ADAMTS9: variants seen among roughly 807,000 people sequenced by gnomAD.
The protein encoded by ADAMTS9 is ADAM metallopeptidase with thrombospondin type 1 motif 9, also known as A disintegrin and metalloproteinase with thrombospondin motifs 9.
Under a neutral mutation model 257.1 loss-of-function variants are expected in ADAMTS9, and 107 were observed. The ratio of observed to expected loss-of-function variants is 0.42; its 90% CI spans 0.36 to 0.49. The LOEUF is 0.49. Among genes scored for constraint, ADAMTS9 ranks in the 20% least tolerant of loss-of-function variants. The pLI is 0.03. For synonymous variants in ADAMTS9, 982 were observed against 880.9 expected, an observed-to-expected ratio of 1.11 and a Z score of -2.03; for missense variants, 2,353 against 2,469.1, an observed-to-expected ratio of 0.95 and a Z score of 1.00.
At chr3:64,640,508 T>C (rs992833889) in intron 12 of ADAMTS9, among the ~76,000 whole-genome samples, 8 of 152,184 alleles carry the variant, frequency 5.3e-5, no homozygotes, top group Non-Finnish European at 1.2e-4. Flanking sequence ...CTCAGTACAA[T>C]AGAGTTTGCT....
At chr3:64,654,498 A>G (rs974283646) in intron 7 of ADAMTS9, 40 bp from the exon 8 acceptor site, 44 of 1,607,484 alleles carry the variant, frequency 2.7e-5, no homozygotes, top group Non-Finnish European at 3.5e-5. Flanking sequence ...TTACTCTAAA[A>G]AGCAACTGTG....
At position 64,526,412 on chromosome 3, in the gene ADAMTS9, T is replaced by C. The variant is rs76081915; in HGVS notation, c.5719-4152A>G. ...CTTAATTCTTAAAAATTCGTAGGCA[T>C]TTGATGATGAATGGAACTGAGTTGG... On this transcript the variant is annotated intron_variant, in intron 38 of 39. Coordinates refer to ENST00000498707, the MANE Select transcript of ADAMTS9 (RefSeq NM_182920.2). 9.8e-3 allele frequency among the ~76,000 whole-genome samples: 1,488 copies of C among 152,232 alleles called. 25 individuals are homozygous for C. The highest frequency in any genetic ancestry group is 0.032 in the African/African-American group (1,321 of 41,532).
At chr3:64,518,817 G>A (rs1447616014) in intron 39 of ADAMTS9, among the ~76,000 whole-genome samples, 1 of 133,502 alleles carries the variant, frequency 7.5e-6, no homozygotes, top group African/African-American at 2.9e-5. Flanking sequence ...CTCTCACCCA[G>A]GCTGGAGTGC....
chr3:64,661,076 G>A (rs1317133444), intron 3 of ADAMTS9, among the ~76,000 whole-genome samples: 1 of 152,146 alleles, frequency 6.6e-6, no homozygotes, highest in Non-Finnish European at 1.5e-5. Flanking sequence ...ACATCCACTG[G>A]GGATCTTGGA....
intron 28 of ADAMTS9, among the ~76,000 whole-genome samples, chr3:64,576,329 A>G (rs1280649409): frequency 6.6e-6 from 1 of 152,128 alleles, no homozygotes; most frequent in African/African-American, 2.4e-5. Context: ...CCATTACAGA[A>G]TCCACAGTCA....
At chr3:64,535,711 G>T (rs527574428) in intron 37 of ADAMTS9, among the ~76,000 whole-genome samples, 2 of 151,552 alleles carry the variant, frequency 1.3e-5, no homozygotes, top group African/African-American at 4.9e-5. Context: ...GCACCACCAC[G>T]CCCAGCTAAT....
chr3:64,568,580 CA>C, intron 28 of ADAMTS9, 45 bp from the exon 29 acceptor site: 6 of 1,598,718 alleles, frequency 3.8e-6, no homozygotes, highest in Non-Finnish European at 5.1e-6. Flanking sequence ...TTTTTAATTA[CA>C]CGGAGTTTGA....
intron 3 of ADAMTS9, among the ~76,000 whole-genome samples, chr3:64,670,520 C>T (rs1457108016): frequency 1.3e-5 from 2 of 151,776 alleles, no homozygotes; most frequent in Admixed American, 6.6e-5. Flanking sequence ...GAAGTATTGG[C>T]GATAAAATAA....
At chr3:64,660,278 T>A (rs1349068542) in intron 3 of ADAMTS9, among the ~76,000 whole-genome samples, 2 of 152,284 alleles carry the variant, frequency 1.3e-5, no homozygotes, top group East Asian at 3.9e-4. Context: ...TTAAAAACAG[T>A]TAAATTTTAA....
Position 64,622,532 on chromosome 3 carries a change from A to G in ADAMTS9, c.2444T>C (p.Met815Thr). 5.0e-6 allele frequency: 8 copies of G among 1,614,130 alleles called. No homozygotes were observed. The highest frequency in any genetic ancestry group is 6.8e-6 in the Non-Finnish European group (8 of 1,179,990). Residue 815 changes from methionine to threonine, a missense_variant, in exon 17 of 40, where the codon ATG becomes ACG. Transcript: ENST00000498707. The stretch of plus-strand genomic sequence containing the variant: ...CCCAATGCGAATTTCCCTTTTGGCC[A>G]TTGTGACAACAAAGTTTCCATTTAG... ...FLLNGNFVVTMAKREIRIGNA... is the reference protein window; with the variant it reads ...FLLNGNFVVTTAKREIRIGNA...
chr3:64,615,919 G>A, intron 20 of ADAMTS9, 41 bp downstream of exon 20: 1 of 1,609,050 alleles, frequency 6.2e-7, no homozygotes, highest in Non-Finnish European at 8.5e-7. Context: ...CAACTAATCA[G>A]ACAGCATCCA....
Position 64,541,933 on chromosome 3 carries a change from G to A in ADAMTS9, c.5102C>T (p.Ser1701Phe), listed in dbSNP as rs769579171. Reference protein sequence around the residue: ...VSCGVGVMQRSVQCLTNEDQP... With the variant: ...VSCGVGVMQRFVQCLTNEDQP... ...GTCCTCATTGGTTAAACATTGCACA[G>A]ATCTCTGCATCACTCCAACACCACA... Residue 1701 changes from serine to phenylalanine, a missense_variant, in exon 33 of 40, where the codon TCT becomes TTT. This residue lies in a region of ADAMTS9 where 1,402 missense variants were observed against 1,441.4 expected (regional missense o/e 0.97). Transcript: ENST00000498707. 3 of 1,614,138 alleles carry A rather than the reference G, an allele frequency of 1.9e-6. No individual in the cohort carries two copies. Among genetic ancestry groups the A allele is most frequent in the Non-Finnish European group, 2.5e-6 (3 of 1,180,012 alleles).
chr3:64,653,919 A>G (rs1234958228), intron 8 of ADAMTS9, among the ~76,000 whole-genome samples: 1 of 152,198 alleles, frequency 6.6e-6, no homozygotes, highest in Non-Finnish European at 1.5e-5. Context: ...GTGTATAACT[A>G]GAATCGGGAA....
chr3:64,644,293 C>T (rs1226141171), intron 11 of ADAMTS9, among the ~76,000 whole-genome samples: 1 of 152,142 alleles, frequency 6.6e-6, no homozygotes, highest in Non-Finnish European at 1.5e-5. Flanking sequence ...GGAGTTGATG[C>T]CAAACATCAC....
At chr3:64,603,767 C>T (rs760934252) in intron 25 of ADAMTS9, among the ~76,000 whole-genome samples, 155 bp downstream of exon 25, 5 of 152,202 alleles carry the variant, frequency 3.3e-5, no homozygotes, top group Non-Finnish European at 7.3e-5. Context: ...TGGCCAACTA[C>T]ACATAAGTGG....
At chr3:64,564,966 C>T (rs1341891820) in intron 29 of ADAMTS9, among the ~76,000 whole-genome samples, 1 of 152,150 alleles carries the variant, frequency 6.6e-6, no homozygotes, top group African/African-American at 2.4e-5. Context: ...TGCGAATGTG[C>T]GTTTGCGATC....
At chr3:64,642,440 GA>G (rs1406441989) in intron 11 of ADAMTS9, among the ~76,000 whole-genome samples, 1 of 121,690 alleles carries the variant, frequency 8.2e-6, no homozygotes, top group Non-Finnish European at 1.7e-5. Flanking sequence ...TTATATTGGA[GA>G]GGGGGGAAAA....
intron 30 of ADAMTS9, among the ~76,000 whole-genome samples, chr3:64,553,037 T>G (rs376353528): frequency 2.0e-5 from 3 of 152,230 alleles, no homozygotes; most frequent in Admixed American, 1.3e-4. Context: ...TGTCTTTTTT[T>G]TTTTGGTGAT....
At position 64,649,877 on chromosome 3, in the gene ADAMTS9, G is replaced by A. The variant is rs1700890250; in HGVS notation, c.1464-99C>T. Reference sequence around the variant, plus strand: ...GCCACCCCACCATTGTAATGGTAGAGAGGACAGTTACTTTTTAACATGTGC... The same window carrying A: ...GCCACCCCACCATTGTAATGGTAGAAAGGACAGTTACTTTTTAACATGTGC... On this transcript the variant is annotated intron_variant, in intron 9 of 39. Coordinates refer to ENST00000498707, the MANE Select transcript of ADAMTS9 (RefSeq NM_182920.2). The A allele has an allele frequency of 1.5e-5, 21 of 1,375,724 alleles. 1 individual carries two copies. In the South Asian group the frequency reaches 2.7e-4, roughly 17 times the overall value. The allele number at this position is 1,375,724 out of a possible 1,614,324, so 85.2% of individuals were successfully genotyped here. A position where few individuals can be genotyped will look rare whatever the true frequency, so the allele number is the denominator to read the frequency against.
Sources: allele counts gnomAD v4.1 joint callset (sites outside exome capture counted in the v4.1 genomes callset), GRCh38; gene constraint gnomAD v4.1.1; regional missense constraint gnomAD v4.1.1; transcripts MANE v1.5; gene names NCBI Gene and HGNC (gene_info 2026-07-23, HGNC 2026-07-21).